FRMPD4: variants seen among roughly 807,000 people sequenced by gnomAD.
The protein encoded by FRMPD4 is FERM and PDZ domain containing 4, also known as FERM and PDZ domain-containing protein 4.
Under a neutral mutation model 94.1 loss-of-function variants are expected in FRMPD4, and 22 were observed. The ratio of observed to expected loss-of-function variants is 0.23; its 90% confidence interval spans 0.17 to 0.33. The LOEUF is 0.33. Ranked by LOEUF, FRMPD4 falls within the 10% of genes least tolerant of loss-of-function variation. The probability of loss-of-function intolerance (pLI) is 1.00; values close to 1 mark genes in which losing one functional copy is unlikely to be tolerated. For synonymous variants in FRMPD4, 631 were observed against 548.6 expected, an observed-to-expected ratio of 1.15 and a Z score of -2.10; for missense variants, 1,111 against 1,339.9, an observed-to-expected ratio of 0.83 and a Z score of 2.67.
At chrX:12,613,403 C>A (rs991973012) in intron 3 of FRMPD4, among the ~76,000 whole-genome samples, 20 of 112,316 alleles carry the variant, frequency 1.8e-4, no homozygotes, top group Middle Eastern at 4.6e-3. Context: ...CAAGTCAATT[C>A]TTTAACCTGT....
intron 1 of FRMPD4, among the ~76,000 whole-genome samples, chrX:12,221,516 G>A (rs1269913225): frequency 2.7e-5 from 3 of 112,329 alleles, no homozygotes; most frequent in African/African-American, 9.7e-5. Context: ...TTTGGAAGAG[G>A]TGATTACTGT....
chrX:12,134,961 A>AGCC (rs1179126716), upstream of FRMPD4, among the ~76,000 whole-genome samples: 1 of 112,240 alleles, frequency 8.9e-6, no homozygotes, highest in Non-Finnish European at 1.9e-5. Context: ...TCCATTTTAC[A>AGCC]GCTGAGGAAA....
intron 2 of FRMPD4, among the ~76,000 whole-genome samples, chrX:12,516,899 C>CT (rs35098575): frequency 2.3e-4 from 16 of 68,402 alleles, no homozygotes; most frequent in Admixed American, 1.2e-3. Flanking sequence ...CCTTTTCGTT[C>CT]TTTTTTTTTT....
At chrX:11,972,721 T>C (rs2054346827) in intron 3 of FRMPD4, among the ~76,000 whole-genome samples, 1 of 112,345 alleles carries the variant, frequency 8.9e-6, no homozygotes, top group East Asian at 2.8e-4. Flanking sequence ...TCAAATGAGA[T>C]TGATACATGT....
At chrX:12,705,443 G>A (rs1021034835) in intron 11 of FRMPD4, among the ~76,000 whole-genome samples, 8 of 111,648 alleles carry the variant, frequency 7.2e-5, no homozygotes, top group Admixed American at 9.5e-5. Flanking sequence ...TTTACGTGGA[G>A]AACCATTTTG....
At chrX:12,342,573 A>C (rs1295808342) in intron 1 of FRMPD4, among the ~76,000 whole-genome samples, 2 of 111,952 alleles carry the variant, frequency 1.8e-5, no homozygotes, top group African/African-American at 3.2e-5. Context: ...ACAAGCTCAC[A>C]CTGGGAAGGC....
At chrX:12,011,885 A>G (rs1601883334) in intron 3 of FRMPD4, among the ~76,000 whole-genome samples, 1 of 105,064 alleles carries the variant, frequency 9.5e-6, no homozygotes, top group African/African-American at 3.5e-5. Flanking sequence ...AGATAGTTTT[A>G]CTTCTTTCTT....
At chrX:12,716,001 T>TGGGGGGCCCCCCC in intron 14 of FRMPD4, 68 bp from the exon 15 acceptor site, 1 of 231,656 alleles carries the variant, frequency 4.3e-6, no homozygotes, top group Non-Finnish European at 8.2e-6. Context: ...GAGACGAGCC[T>TGGGGGGCCCCCCC]CCCACCCCCG....
chrX:11,997,459 A>G (rs1213844128), intron 3 of FRMPD4, among the ~76,000 whole-genome samples: 2 of 111,865 alleles, frequency 1.8e-5, no homozygotes, highest in Admixed American at 1.9e-4. Flanking sequence ...TCCCTCCCAA[A>G]TTTAGTGGCT....
At chrX:12,463,204 T>A (rs6639184) in intron 1 of FRMPD4, among the ~76,000 whole-genome samples, 19,025 of 111,079 alleles carry the variant, frequency 0.17, 1,281 homozygotes, top group South Asian at 0.24. Context: ...AGGCCTGCTC[T>A]GAGACTGCCA....
rs148480903 is a variant in FRMPD4, at chrX:12,717,008, T to A, written c.2549T>A (p.Ile850Asn). 6 of 1,208,880 alleles carry A rather than the reference T, an allele frequency of 5.0e-6. No homozygotes were observed. The African/African-American group carries it at 8.7e-5, about 18-fold the overall frequency. Residue 850 changes from isoleucine to asparagine, a missense_variant, in exon 15 of 17, where the codon ATT (isoleucine) becomes AAT (asparagine). Around this residue, in one of 8 missense-constraint regions of FRMPD4, gnomAD observed 74 missense variants for 93.9 expected, o/e 0.79. Transcript: ENST00000675598. ...AATGATGAGATCCCCGTGTCCCTCA[T>A]TGACGCTGTGCCCACCAGCGCCGAA... ...LQNDEIPVSLIDAVPTSAEGK... is the reference protein window; with the variant it reads ...LQNDEIPVSLNDAVPTSAEGK...
At chrX:12,314,120 CTG>C (rs1246082017) in intron 1 of FRMPD4, among the ~76,000 whole-genome samples, 1 of 112,445 alleles carries the variant, frequency 8.9e-6, no homozygotes, top group African/African-American at 3.2e-5. Context: ...TATCAGAAAA[CTG>C]AAAGTGTTTG....
At chrX:12,626,915 A>G (rs1222046244) in intron 4 of FRMPD4, among the ~76,000 whole-genome samples, 1 of 110,504 alleles carries the variant, frequency 9.0e-6, no homozygotes, top group Non-Finnish European at 1.9e-5. Flanking sequence ...AGAAGAGTAT[A>G]TTAGAAAGGT....
intron 2 of FRMPD4, among the ~76,000 whole-genome samples, chrX:12,587,102 A>G (rs905201438): frequency 3.2e-4 from 35 of 108,960 alleles, no homozygotes; most frequent in African/African-American, 1.1e-3. Flanking sequence ...TCAGCCTCCC[A>G]AGTAGCTGGG....
chrX:11,851,790 T>A (rs2053623555), intron 1 of FRMPD4, among the ~76,000 whole-genome samples: 1 of 111,315 alleles, frequency 9.0e-6, no homozygotes, highest in Admixed American at 9.6e-5. Context: ...AATTTTTAAT[T>A]TTTCAACACT....
intron 1 of FRMPD4, among the ~76,000 whole-genome samples, chrX:12,476,496 G>A (rs2148185344): frequency 9.0e-6 from 1 of 110,774 alleles, no homozygotes; most frequent in South Asian, 3.9e-4. Flanking sequence ...CTTCTGCACA[G>A]CAAAAGAAAC....
At chrX:11,837,836 G>T (rs1331121260) in intron 1 of FRMPD4, among the ~76,000 whole-genome samples, 1 of 111,560 alleles carries the variant, frequency 9.0e-6, no homozygotes, top group South Asian at 3.8e-4. Flanking sequence ...TGATTTAGGA[G>T]AATCGCTCAG....
At chrX:12,141,091 G>T (rs2055683462) in intron 1 of FRMPD4, among the ~76,000 whole-genome samples, 1 of 112,258 alleles carries the variant, frequency 8.9e-6, no homozygotes, top group South Asian at 3.7e-4. Flanking sequence ...GCTTGTTTCT[G>T]CCTTGGGAGG....
chrX:12,419,102 C>T (rs1007107473), intron 1 of FRMPD4, among the ~76,000 whole-genome samples: 4 of 111,900 alleles, frequency 3.6e-5, no homozygotes, highest in African/African-American at 6.5e-5. Flanking sequence ...CCTCCCTCCT[C>T]CTGTATCATG....
Sources: gnomAD v4.1 joint callset for allele counts (sites outside exome capture counted in the v4.1 genomes callset) on GRCh38, gnomAD v4.1.1 for gene constraint, gnomAD v4.1.1 regional missense constraint, MANE v1.5 for transcripts, NCBI Gene and HGNC (gene_info 2026-07-23, HGNC 2026-07-21) for gene names.